Variants in HACD3 observed in about 807,000 individuals in gnomAD.
The protein encoded by HACD3 is 3-hydroxyacyl-CoA dehydratase 3.
HACD3 carries 30 observed loss-of-function variants against 55.2 expected under a neutral mutation model. The observed-to-expected ratio is 0.54, with a 90% CI of 0.41 to 0.74. The LOEUF (loss-of-function observed/expected upper bound fraction) is 0.74, where lower values mean the gene tolerates loss of function less well. Among genes scored for constraint, HACD3 ranks in the 30% least tolerant of loss-of-function variants. The probability of loss-of-function intolerance (pLI) is 0.00; values close to 1 mark genes in which losing one functional copy is unlikely to be tolerated. For missense variants in HACD3, 363 were observed against 440.1 expected, an observed-to-expected ratio of 0.82 and a Z score of 1.57; for synonymous variants, 141 against 151.7, an observed-to-expected ratio of 0.93 and a Z score of 0.52.
intron 5 of HACD3, 103 bp downstream of exon 5, chr15:65,558,834 G>T: frequency 7.3e-7 from 1 of 1,376,226 alleles, no homozygotes; most frequent in South Asian, 1.2e-5. Context: ...TCATCCCGGT[G>T]AGCTGTGTGG....
Position 65,554,883 on chromosome 15 carries a change from A to C in HACD3, c.131-4A>C, listed in dbSNP as rs1170403800. The C allele has an allele frequency of 6.2e-7, 1 of 1,608,922 alleles. No individual in the cohort carries two copies. The highest frequency in any genetic ancestry group is 8.5e-7 in the Non-Finnish European group (1 of 1,175,396). On this transcript the variant is annotated splice_polypyrimidine_tract_variant and splice_region_variant and intron_variant, in intron 2 of 10. Coordinates refer to ENST00000261875, the MANE Select transcript of HACD3 (RefSeq NM_016395.4). ...TGCAGTAACCCACATTTCTTTCTTTATAGCTCAAGGACATGGTGCCAAAGG... is the reference window on the plus strand; with the variant it reads ...TGCAGTAACCCACATTTCTTTCTTTCTAGCTCAAGGACATGGTGCCAAAGG...
Position 65,541,885 on chromosome 15 carries a change from A to C in HACD3, c.88-9791A>C, listed in dbSNP as rs544845561. ...TTAGGTGAAAAAAAAAGCAAGATGT[A>C]TAAGAATGTATATTGTATGCTAATT... On this transcript the variant is annotated intron_variant, in intron 1 of 10. Transcript: ENST00000261875. Among the ~76,000 whole-genome samples, 15 of 152,344 alleles carry C rather than the reference A, an allele frequency of 9.8e-5. No individual in the cohort carries two copies. The South Asian group carries it at 3.1e-3, about 32-fold the overall frequency.
In HACD3 at chr15:65,577,458, T is replaced by TACAC. The variant is rs10645266; in HGVS notation, c.*1092_*1095dup. Reference sequence around the variant, plus strand: ...CAAACCACACACACACAAACACACATACACACACACACACACGAGGTCCAA... The same window carrying TACAC: ...CAAACCACACACACACAAACACACATACACACACACACACACACACGAGGTCCAA... On this transcript the variant is annotated 3_prime_UTR_variant, in exon 11 of 11. Coordinates refer to ENST00000261875, the MANE Select transcript of HACD3 (RefSeq NM_016395.4). The TACAC allele has an allele frequency of 0.028, 4,167 of 150,444 alleles. 213 individuals carry two copies. Among genetic ancestry groups the TACAC allele is most frequent in the African/African-American group, 0.097 (3,954 of 40,956 alleles). The allele number at this position is 150,444 out of a possible 1,614,324, so 9.3% of individuals were successfully genotyped here.
chr15:65,545,376 A>G (rs1433689829), intron 1 of HACD3, among the ~76,000 whole-genome samples: 1 of 152,246 alleles, frequency 6.6e-6, no homozygotes, highest in Non-Finnish European at 1.5e-5. Flanking sequence ...ATGGGCTAAT[A>G]AATAAAAGTG....
intron 5 of HACD3, among the ~76,000 whole-genome samples, chr15:65,559,465 T>G (rs551256910): frequency 1.5e-4 from 23 of 150,768 alleles, no homozygotes; most frequent in African/African-American, 5.6e-4. Context: ...TAAGTTGAAA[T>G]TTTTCAAATT....
chr15:65,564,404 T>C, intron 7 of HACD3, 62 bp downstream of exon 7: 1 of 1,562,014 alleles, frequency 6.4e-7, no homozygotes, highest in South Asian at 1.2e-5. Flanking sequence ...CTAGTGGGTA[T>C]GTGTATTAGT....
intron 1 of HACD3, among the ~76,000 whole-genome samples, chr15:65,531,810 C>G (rs1299058635): frequency 6.6e-6 from 1 of 152,132 alleles, no homozygotes; most frequent in African/African-American, 2.4e-5. Context: ...AGGTGATCCA[C>G]CCGTCTCGGC....
chr15:65,557,886 A>G lies in HACD3; in HGVS notation c.370-794A>G, dbSNP rs1006015959. Among the ~76,000 whole-genome samples, 11 of 149,562 alleles carry G rather than the reference A, an allele frequency of 7.4e-5. No homozygotes were observed. The East Asian group carries it at 1.6e-3, about 21-fold the overall frequency. ...CTTTGGTTATGTCCTCATCCTGCCCATCTTTCATTTGGCTTTTGTATCTTT... is the reference window on the plus strand; with the variant it reads ...CTTTGGTTATGTCCTCATCCTGCCCGTCTTTCATTTGGCTTTTGTATCTTT... On this transcript the variant is annotated intron_variant, in intron 4 of 10. Transcript: ENST00000261875.
chr15:65,543,765 T>C (rs1226013071), intron 1 of HACD3, among the ~76,000 whole-genome samples: 2 of 152,214 alleles, frequency 1.3e-5, no homozygotes, highest in Non-Finnish European at 2.9e-5. Context: ...TACACGGTCA[T>C]GTCAGAATCA....
intron 4 of HACD3, 139 bp from the exon 5 acceptor site, chr15:65,558,541 A>G (rs2072215634): frequency 1.3e-6 from 1 of 752,266 alleles, no homozygotes; most frequent in South Asian, 1.7e-5. Context: ...ATGACCTAGA[A>G]TATTCTCCCA....
intron 5 of HACD3, 62 bp from the exon 6 acceptor site, chr15:65,562,712 T>C (rs889742733): frequency 6.3e-7 from 1 of 1,574,916 alleles, no homozygotes; most frequent in Non-Finnish European, 8.6e-7. Flanking sequence ...ATATGCCTCA[T>C]ACACCTGTCT....
intron 7 of HACD3, among the ~76,000 whole-genome samples, chr15:65,568,945 G>A (rs775686233): frequency 1.1e-4 from 17 of 152,062 alleles, no homozygotes; most frequent in Non-Finnish European, 2.2e-4. Flanking sequence ...ATAGCCACAT[G>A]CATCAACATA....
At chr15:65,552,630 C>CTGTTTTT (rs1307803939) in intron 2 of HACD3, among the ~76,000 whole-genome samples, 1 of 151,386 alleles carries the variant, frequency 6.6e-6, no homozygotes, top group Non-Finnish European at 1.5e-5. Context: ...GCCACCGTGC[C>CTGTTTTT]TGTTTTTTGT....
chr15:65,558,476 T>C (rs2072215391), intron 4 of HACD3, among the ~76,000 whole-genome samples: 1 of 152,182 alleles, frequency 6.6e-6, no homozygotes, highest in Non-Finnish European at 1.5e-5. Context: ...GAACAATGGA[T>C]GGGCACCTGT....
chr15:65,549,278 C>T (rs77432839), intron 1 of HACD3, among the ~76,000 whole-genome samples: 1 of 152,006 alleles, frequency 6.6e-6, no homozygotes, highest in East Asian at 1.9e-4. Flanking sequence ...CCCAACAGGG[C>T]GCAGGCAATA....
At position 65,553,730 on chromosome 15, in the gene HACD3, A is replaced by G. The variant is rs142606940; in HGVS notation, c.131-1157A>G. Among the ~76,000 whole-genome samples the G allele has an allele frequency of 7.6e-4, 116 of 152,334 alleles. 2 individuals are homozygous for G. The East Asian group carries it at 0.02, about 26-fold the overall frequency. Reference sequence around the variant, plus strand: ...GTCCTACCTTAAGGAATTTATCGTCACAGAGAATAATTGCTACCTGTAGCG... The same window carrying G: ...GTCCTACCTTAAGGAATTTATCGTCGCAGAGAATAATTGCTACCTGTAGCG... On this transcript the variant is annotated intron_variant, in intron 2 of 10. Transcript: ENST00000261875.
chr15:65,576,399 T>C lies in HACD3; in HGVS notation c.*20T>C. The C allele has an allele frequency of 6.3e-7, 1 of 1,579,570 alleles. No homozygotes were observed. Among genetic ancestry groups the C allele is most frequent in the South Asian group, 1.2e-5 (1 of 86,700 alleles). On this transcript the variant is annotated 3_prime_UTR_variant, in exon 11 of 11. Transcript: ENST00000261875. ...CACTAAAAAGAAAGATTTAGATGGC[T>C]TCTTGCCAGTTTGAGCCTAATCTGA...
intron 1 of HACD3, chr15:65,535,813 AG>A: frequency 3.1e-6 from 2 of 638,244 alleles, no homozygotes; most frequent in Non-Finnish European, 5.7e-6. Flanking sequence ...CTCCTGGCTC[AG>A]CCTACCAAGT....
intron 7 of HACD3, among the ~76,000 whole-genome samples, chr15:65,568,893 A>G (rs745607563): frequency 2.6e-5 from 4 of 152,152 alleles, no homozygotes; most frequent in Non-Finnish European, 4.4e-5. Flanking sequence ...TAGAATGTCT[A>G]TCATATATTG....
Sources: allele counts gnomAD v4.1 joint callset (sites outside exome capture counted in the v4.1 genomes callset), GRCh38; gene constraint gnomAD v4.1.1; transcripts MANE v1.5; gene names NCBI Gene and HGNC (gene_info 2026-07-23, HGNC 2026-07-21).